The following ERBB4 variants were observed in gnomAD, a reference collection of about 807,000 sequenced individuals.
The protein encoded by ERBB4 is erb-b2 receptor tyrosine kinase 4, also known as receptor tyrosine-protein kinase erbB-4.
ERBB4 carries 42 observed loss-of-function variants against 158.0 expected under a neutral mutation model. The observed-to-expected ratio is 0.27, with a 90% CI of 0.21 to 0.34. The LOEUF (loss-of-function observed/expected upper bound fraction) is 0.34. Among genes scored for constraint, ERBB4 ranks in the 10% least tolerant of loss-of-function variants. The pLI is 1.00. For synonymous variants in ERBB4, 583 were observed against 558.7 expected (o/e 1.04, Z -0.61); for missense variants, 1,333 against 1,624.1 (o/e 0.82, Z 3.08).
intron 20 of ERBB4, among the ~76,000 whole-genome samples, chr2:211,446,343 A>AAAT (rs2064112247): frequency 6.6e-6 from 1 of 152,200 alleles, no homozygotes; most frequent in Non-Finnish European, 1.5e-5. Context: ...AGAAACAGAG[A>AAAT]AATTGGATAT....
chr2:211,819,284 A>G (rs547020753), intron 3 of ERBB4, among the ~76,000 whole-genome samples: 1 of 152,196 alleles, frequency 6.6e-6, no homozygotes, highest in South Asian at 2.1e-4. Context: ...ATGAAATGAC[A>G]TGGTCTCTGA....
intron 2 of ERBB4, among the ~76,000 whole-genome samples, chr2:212,078,687 T>C (rs16847655): frequency 0.014 from 2,069 of 151,962 alleles, 38 homozygotes; most frequent in African/African-American, 0.046. Flanking sequence ...CTAAGATCTC[T>C]ATTTCCAAAG....
chr2:212,426,364 A>G (rs758319793), intron 1 of ERBB4: 1 of 429,598 alleles, frequency 2.3e-6, no homozygotes, highest in South Asian at 1.9e-5. Context: ...GTTATTAGAA[A>G]GATGGTGGTT....
rs181737031 is a variant in ERBB4 at position 211,475,543 on chromosome 2, A to G, written c.2488-44443T>C. On this transcript the variant is annotated intron_variant, in intron 20 of 27. Coordinates refer to ENST00000342788, the MANE Select transcript of ERBB4 (RefSeq NM_005235.3). ...GTTGAATCTGAAGAACTATAATGAC[A>G]TATAAATATGGAAGCAAATTGAAAA... 1.3e-4 allele frequency among the ~76,000 whole-genome samples: 20 copies of G among 152,248 alleles called. No homozygotes were observed. The East Asian group carries it at 3.3e-3, about 25-fold the overall frequency.
At chr2:212,392,684 C>A (rs913035703) in intron 1 of ERBB4, among the ~76,000 whole-genome samples, 21 of 152,096 alleles carry the variant, frequency 1.4e-4, no homozygotes, top group African/African-American at 2.4e-5. Flanking sequence ...TAAGACCCAG[C>A]TCAAATGCTT....
chr2:211,556,004 C>T (rs995280797), intron 20 of ERBB4, among the ~76,000 whole-genome samples: 1 of 151,912 alleles, frequency 6.6e-6, no homozygotes, highest in Non-Finnish European at 1.5e-5. Flanking sequence ...GCTAAATGCC[C>T]CAATTAAAGG....
At chr2:211,409,636 C>A (rs2063217395) in intron 25 of ERBB4, among the ~76,000 whole-genome samples, 1 of 152,128 alleles carries the variant, frequency 6.6e-6, no homozygotes, top group South Asian at 2.1e-4. Context: ...TCTCACTGTG[C>A]TCCCAGTAAG....
At chr2:212,216,853 A>G (rs1447608353) in intron 1 of ERBB4, among the ~76,000 whole-genome samples, 1 of 151,474 alleles carries the variant, frequency 6.6e-6, no homozygotes, top group African/African-American at 2.4e-5. Flanking sequence ...AGTTTTTCAC[A>G]CAAGGAAACC....
At chr2:211,478,988 G>C (rs1443243638) in intron 20 of ERBB4, among the ~76,000 whole-genome samples, 1 of 152,022 alleles carries the variant, frequency 6.6e-6, no homozygotes, top group South Asian at 2.1e-4. Context: ...CCTTCAATCA[G>C]TCACATGGGC....
chr2:212,117,918 A>G (rs563413745), intron 2 of ERBB4, among the ~76,000 whole-genome samples: 2 of 152,316 alleles, frequency 1.3e-5, no homozygotes, highest in Admixed American at 6.5e-5. Flanking sequence ...GTATTTGAAC[A>G]AACTATTCAG....
chr2:211,711,067 A>G (rs2106076877), intron 9 of ERBB4, among the ~76,000 whole-genome samples: 1 of 152,066 alleles, frequency 6.6e-6, no homozygotes, highest in South Asian at 2.1e-4. Flanking sequence ...TACAACAATT[A>G]TGGGGTGGCA....
intron 1 of ERBB4, among the ~76,000 whole-genome samples, chr2:212,209,087 T>C (rs1239837961): frequency 6.6e-6 from 1 of 152,126 alleles, no homozygotes; most frequent in East Asian, 1.9e-4. Flanking sequence ...ATCTGTGCTA[T>C]ATTAGAGACT....
chr2:212,143,131 C>A (rs1480620176), intron 1 of ERBB4, among the ~76,000 whole-genome samples: 1 of 152,006 alleles, frequency 6.6e-6, no homozygotes, highest in African/African-American at 2.4e-5. Context: ...ACTATTGAAA[C>A]TTTAAAAATA....
chr2:211,532,899 T>C (rs150423524), intron 20 of ERBB4, among the ~76,000 whole-genome samples: 1 of 151,948 alleles, frequency 6.6e-6, no homozygotes, highest in South Asian at 2.1e-4. Context: ...TTTTAGCTTA[T>C]ATAAACTTTC....
At chr2:212,226,412 G>GT (rs977134010) in intron 1 of ERBB4, among the ~76,000 whole-genome samples, 3 of 151,368 alleles carry the variant, frequency 2.0e-5, no homozygotes, top group Non-Finnish European at 2.9e-5. Context: ...TAAAGACATG[G>GT]GGGGGGGTTT....
At chr2:211,623,016 T>A (rs1574874272) in intron 18 of ERBB4, among the ~76,000 whole-genome samples, 4 of 72,080 alleles carry the variant, frequency 5.5e-5, no homozygotes, top group African/African-American at 3.6e-4. Flanking sequence ...TATATATATA[T>A]ATATATATAT....
intron 20 of ERBB4, among the ~76,000 whole-genome samples, chr2:211,471,388 A>T (rs916950508): frequency 3.9e-5 from 6 of 152,288 alleles, no homozygotes; most frequent in African/African-American, 1.4e-4. Flanking sequence ...ATTGCTTCTC[A>T]TCAACAGGAA....
chr2:211,415,107 CTTTTTTTTTTTTTTT>C (rs71047175), intron 25 of ERBB4, among the ~76,000 whole-genome samples: 2 of 72,506 alleles, frequency 2.8e-5, no homozygotes, highest in Non-Finnish European at 4.9e-5. Flanking sequence ...CTTACATTTT[CTTTTTTTTTTTTTTT>C]TTTTTTTTTT....
intron 3 of ERBB4, among the ~76,000 whole-genome samples, chr2:211,887,475 A>G (rs2078835577): frequency 6.6e-6 from 1 of 152,194 alleles, no homozygotes; most frequent in Non-Finnish European, 1.5e-5. Flanking sequence ...CACCTCCTCA[A>G]AAATTCAACT....
Sources: gnomAD v4.1 joint callset for allele counts (sites outside exome capture counted in the v4.1 genomes callset) on GRCh38, gnomAD v4.1.1 for gene constraint, MANE v1.5 for transcripts, NCBI Gene and HGNC (gene_info 2026-07-23, HGNC 2026-07-21) for gene names.